LPIN1: variants seen among roughly 807,000 people sequenced by gnomAD.
LPIN1 encodes the protein lipin 1, also known as phosphatidate phosphatase LPIN1.
In LPIN1, 71 loss-of-function variants were observed where a neutral mutation model predicts 107.5. That is an observed-to-expected ratio of 0.66 (90% CI 0.55 to 0.80). LPIN1 has a LOEUF of 0.80. Ranked by LOEUF, LPIN1 falls within the 30% of genes least tolerant of loss-of-function variation. The probability of loss-of-function intolerance (pLI) is 0.00; values close to 1 mark genes in which losing one functional copy is unlikely to be tolerated. For missense variants in LPIN1, 1,043 were observed against 1,160.6 expected, an observed-to-expected ratio of 0.90 and a Z score of 1.47; for synonymous variants, 445 against 452.6, an observed-to-expected ratio of 0.98 and a Z score of 0.21.
At chr2:11,723,069 A>G (rs1341805583), upstream of LPIN1, among the ~76,000 whole-genome samples, 1 of 152,210 alleles carries the variant, frequency 6.6e-6, no homozygotes, top group Admixed American at 6.5e-5. Flanking sequence ...GACAAAAGAA[A>G]AAAAATCTCT....
intron 14 of LPIN1, among the ~76,000 whole-genome samples, chr2:11,798,034 C>T (rs971735781): frequency 3.3e-5 from 5 of 152,128 alleles, no homozygotes; most frequent in East Asian, 1.9e-4. Context: ...GGAGTTCTCA[C>T]GAGATCTGAT....
chr2:11,794,787 A>G (rs1676380396), intron 13 of LPIN1, among the ~76,000 whole-genome samples: 1 of 152,136 alleles, frequency 6.6e-6, no homozygotes. Context: ...TTTAATCCCC[A>G]TGGCAGCGTT....
At chr2:11,689,877 T>C (rs369445851) in intron 1 of LPIN1, among the ~76,000 whole-genome samples, 6 of 152,218 alleles carry the variant, frequency 3.9e-5, no homozygotes, top group African/African-American at 1.4e-4. Flanking sequence ...TGCACTCCAG[T>C]CTGGGTGACA....
At chr2:11,731,251 C>T (rs77538975) in intron 1 of LPIN1, among the ~76,000 whole-genome samples, 1 of 152,012 alleles carries the variant, frequency 6.6e-6, no homozygotes, top group African/African-American at 2.4e-5. Flanking sequence ...TGACTGGCCC[C>T]GGTGTGTGTT....
At chr2:11,775,095 A>T (rs10205312) in intron 5 of LPIN1, among the ~76,000 whole-genome samples, 87,888 of 152,074 alleles carry the variant, frequency 0.58, 26,559 homozygotes, top group African/African-American at 0.73. Flanking sequence ...ATTTCTGTTT[A>T]CATACCAAGT....
chr2:11,721,263 C>CGTGTGTGTGTGTGTGT (rs5829326), upstream of LPIN1, among the ~76,000 whole-genome samples: 227 of 129,884 alleles, frequency 1.7e-3, no homozygotes, highest in African/African-American at 6.2e-3. Context: ...GTACTGCATG[C>CGTGTGTGTGTGTGTGT]GTGTGTGTGT....
intron 1 of LPIN1, among the ~76,000 whole-genome samples, chr2:11,690,881 TA>T (rs1339079572): frequency 1.3e-5 from 2 of 152,164 alleles, no homozygotes; most frequent in African/African-American, 4.8e-5. Flanking sequence ...GGTTATTCCT[TA>T]ATCTGTGTCT....
chr2:11,788,452 C>T lies in LPIN1; in HGVS notation c.1709C>T (p.Pro570Leu). 6.2e-7 allele frequency: 1 copy of T among 1,612,690 alleles called. No individual in the cohort carries two copies. The highest frequency in any genetic ancestry group is 8.5e-7 in the Non-Finnish European group (1 of 1,178,724). Reference protein sequence around the residue: ...LAMQAFQKPLPKATVESIMRD... With the variant: ...LAMQAFQKPLLKATVESIMRD... ...ATGCAGGCCTTCCAGAAACCTTTGC[C>T]AAAGGTGAGCTTTAACATGAGAAAG... Residue 570 changes from proline to leucine, a missense_variant, in exon 12 of 21, where the codon CCA becomes CTA. By Grantham distance (98) the Pro-to-Leu change is moderately conservative. Transcript: ENST00000674199.
chr2:11,746,614 C>T, upstream of LPIN1: 1 of 985,358 alleles, frequency 1.0e-6, no homozygotes, highest in Non-Finnish European at 1.2e-6. Flanking sequence ...GCTGCGCTGA[C>T]AGCCGGCGGC....
chr2:11,803,045 A>G lies in LPIN1; in HGVS notation c.2013+12A>G, dbSNP rs930923624. The G allele has an allele frequency of 8.7e-6, 14 of 1,612,116 alleles. No homozygotes were observed. The highest frequency in any genetic ancestry group is 1.3e-5 in the African/African-American group (1 of 74,992). ...CTTCCGAGCAGCTTGTGAGTCTCCC[A>G]TGCTTGGCGCGGCTGTGTTGTGAGC... is the stretch of plus-strand genomic sequence containing the variant. On this transcript the variant is annotated intron_variant, in intron 15 of 20. Transcript: ENST00000674199. This position sits in a 1 kb window ranked among gnomAD's most constrained non-coding sequence, Gnocchi z 4.2.
intron 2 of LPIN1, 166 bp from the exon 3 acceptor site, chr2:11,767,597 A>T: frequency 1.5e-6 from 1 of 671,194 alleles, no homozygotes; most frequent in African/African-American, 1.8e-5. Flanking sequence ...TCCAGTCCTC[A>T]AGTGACAGTT....
chr2:11,758,622 T>C (rs1669039774), intron 1 of LPIN1, among the ~76,000 whole-genome samples: 1 of 152,202 alleles, frequency 6.6e-6, no homozygotes, highest in South Asian at 2.1e-4. Flanking sequence ...ATTGAGAAGA[T>C]TTCCTGCTTT....
chr2:11,685,806 C>G (rs1387734263), intron 1 of LPIN1, among the ~76,000 whole-genome samples: 1 of 152,216 alleles, frequency 6.6e-6, no homozygotes, highest in Non-Finnish European at 1.5e-5. Context: ...TTGGAATACA[C>G]TTGGTCTTGT....
chr2:11,762,322 C>T (rs976882291), intron 1 of LPIN1, among the ~76,000 whole-genome samples: 1 of 152,056 alleles, frequency 6.6e-6, no homozygotes, highest in Non-Finnish European at 1.5e-5. Flanking sequence ...GTTCTCTGAG[C>T]CCCTTTCTTT....
intron 12 of LPIN1, among the ~76,000 whole-genome samples, chr2:11,789,537 CGTGCATGT>C (rs1042235138): frequency 1.4e-4 from 20 of 140,902 alleles, no homozygotes; most frequent in African/African-American, 5.0e-4. Context: ...CACATGTGTG[CGTGCATGT>C]GTGGATGTGG....
chr2:11,691,044 T>G (rs1384149054), intron 1 of LPIN1, among the ~76,000 whole-genome samples: 1 of 152,000 alleles, frequency 6.6e-6, no homozygotes. Context: ...GACATTTTGC[T>G]TGAGGGCTCA....
intron 1 of LPIN1, among the ~76,000 whole-genome samples, chr2:11,738,282 G>A (rs558326482): frequency 6.6e-6 from 1 of 151,940 alleles, no homozygotes; most frequent in African/African-American, 2.4e-5. Flanking sequence ...AACACCTAAT[G>A]TAGATGATGA....
At chr2:11,812,778 A>G (rs938454842) in intron 17 of LPIN1, among the ~76,000 whole-genome samples, 1 of 152,128 alleles carries the variant, frequency 6.6e-6, no homozygotes, top group Non-Finnish European at 1.5e-5. Flanking sequence ...TCTGAGTGTG[A>G]GTGGGCTACG....
intron 20 of LPIN1, among the ~76,000 whole-genome samples, chr2:11,823,341 C>G (rs1419106569): frequency 6.6e-6 from 1 of 152,154 alleles, no homozygotes; most frequent in Admixed American, 6.5e-5. Flanking sequence ...CCTGCTGCCG[C>G]AGCCACAAAC....
Sources: gnomAD v4.1 joint callset for allele counts (sites outside exome capture counted in the v4.1 genomes callset) on GRCh38, gnomAD v4.1.1 for gene constraint, Gnocchi (gnomAD v3.1) non-coding constraint, MANE v1.5 for transcripts, NCBI Gene and HGNC (gene_info 2026-07-23, HGNC 2026-07-21) for gene names.